The following SCAI variants were observed in gnomAD, a reference collection of about 807,000 sequenced individuals.
SCAI encodes the protein suppressor of cancer cell invasion, also known as protein SCAI.
SCAI carries 24 observed loss-of-function variants against 92.2 expected under a neutral mutation model. The observed-to-expected ratio is 0.26, with a 90% confidence interval of 0.19 to 0.37. SCAI has a LOEUF of 0.37. Ranked by LOEUF, SCAI falls within the 10% of genes least tolerant of loss-of-function variation. SCAI has a pLI of 1.00. For synonymous variants in SCAI, 261 were observed against 258.6 expected (o/e 1.01, Z -0.09); for missense variants, 450 against 736.2 (o/e 0.61, Z 4.50).
rs1160128358 is a variant in SCAI at position 125,099,581 on chromosome 9, A to G, written c.98+43052T>C. On this transcript the variant is annotated intron_variant, in intron 2 of 17. Coordinates refer to ENST00000336505, the MANE Select transcript of SCAI (RefSeq NM_001144877.3). Reference sequence around the variant, plus strand: ...ACAGACGGCAGCTTTTCATCCTTCAAAGAAAAACAAATACAAACCTTATGT... The same window carrying G: ...ACAGACGGCAGCTTTTCATCCTTCAGAGAAAAACAAATACAAACCTTATGT... 2.0e-5 allele frequency among the ~76,000 whole-genome samples: 3 copies of G among 152,134 alleles called. No individual in the cohort carries two copies. The East Asian group carries it at 5.8e-4, about 29-fold the overall frequency.
At chr9:125,038,389 A>G (rs772376316) in intron 3 of SCAI, among the ~76,000 whole-genome samples, 7 of 152,242 alleles carry the variant, frequency 4.6e-5, no homozygotes, top group Non-Finnish European at 1.0e-4. Context: ...GGTGCAGTGT[A>G]CATCGGTAGT....
At position 125,107,412 on chromosome 9, in the gene SCAI, AAAAAAAAAAAG is replaced by A. The variant is rs1191831123; in HGVS notation, c.98+35210_98+35220del. Among the ~76,000 whole-genome samples, 253 of 151,862 alleles carry A rather than the reference AAAAAAAAAAAG, an allele frequency of 1.7e-3. 1 individual carries two copies. The highest frequency in any genetic ancestry group is 5.9e-3 in the African/African-American group (245 of 41,472). On this transcript the variant is annotated intron_variant, in intron 2 of 17. Transcript: ENST00000336505. ...GACAGAGGGAGACACTGTCTCAAAA[AAAAAAAAAAAG>A]AAAAAGAAAAGAAAAAGAAATACAA... is the stretch of plus-strand genomic sequence containing the variant.
At chr9:125,023,779 A>C (rs7857571) in intron 6 of SCAI, among the ~76,000 whole-genome samples, 28,545 of 152,076 alleles carry the variant, frequency 0.19, 2,760 homozygotes, top group East Asian at 0.24. Context: ...TTCAATAAGC[A>C]TACAGAAGTG....
intron 2 of SCAI, among the ~76,000 whole-genome samples, chr9:125,100,714 A>C (rs1335838812): frequency 6.6e-6 from 1 of 152,206 alleles, no homozygotes; most frequent in African/African-American, 2.4e-5. Flanking sequence ...AGAAAAAGCA[A>C]GCAGACAAAG....
chr9:125,055,978 G>T lies in SCAI; in HGVS notation c.128C>A (p.Ser43Tyr), dbSNP rs368234163. Residue 43 changes from serine to tyrosine, a missense_variant, in exon 3 of 18, where the codon TCC (serine) becomes TAC (tyrosine). By Grantham distance (144) the Ser-to-Tyr change is moderately radical. Transcript: ENST00000336505. ...RTEFALKEIM[S>Y]SGGAEDDIPQ... ...GATATCATCTTCAGCACCTCCAGAGGACATGATTTCTTTAAGAGCAAATTC... is the reference window on the plus strand; with the variant it reads ...GATATCATCTTCAGCACCTCCAGAGTACATGATTTCTTTAAGAGCAAATTC... 1.7e-5 allele frequency: 28 copies of T among 1,609,002 alleles called. No individual in the cohort carries two copies. Among genetic ancestry groups the T allele is most frequent in the Non-Finnish European group, 2.0e-5 (24 of 1,176,834 alleles).
At chr9:125,131,607 C>T (rs909911323) in intron 2 of SCAI, among the ~76,000 whole-genome samples, 1 of 152,000 alleles carries the variant, frequency 6.6e-6, no homozygotes, top group Admixed American at 6.6e-5. Context: ...AGGTTTCATT[C>T]TTGAGTAAAA....
At chr9:124,969,156 G>A (rs1174193450) in intron 17 of SCAI, among the ~76,000 whole-genome samples, 1 of 152,090 alleles carries the variant, frequency 6.6e-6, no homozygotes, top group African/African-American at 2.4e-5. Context: ...TGTTACCCAG[G>A]CTGGTCTCAA....
chr9:125,049,904 C>T (rs1833523268), intron 3 of SCAI, among the ~76,000 whole-genome samples: 1 of 152,272 alleles, frequency 6.6e-6, no homozygotes, highest in African/African-American at 2.4e-5. Flanking sequence ...GCTGTGTGTG[C>T]TACTTCTTCA....
chr9:124,974,824 A>AT (rs1360936766), intron 15 of SCAI, among the ~76,000 whole-genome samples: 2 of 152,204 alleles, frequency 1.3e-5, no homozygotes, highest in African/African-American at 4.8e-5. Flanking sequence ...AGATACTATT[A>AT]TTATTTCCAT....
At chr9:125,048,857 T>C (rs1385368655) in intron 3 of SCAI, among the ~76,000 whole-genome samples, 1 of 152,022 alleles carries the variant, frequency 6.6e-6, no homozygotes, top group Non-Finnish European at 1.5e-5. Context: ...GCGATTCTCC[T>C]TCCTCAGCCT....
chr9:125,046,834 AAC>A (rs1833454043), intron 3 of SCAI, among the ~76,000 whole-genome samples: 1 of 152,048 alleles, frequency 6.6e-6, no homozygotes, highest in African/African-American at 2.4e-5. Context: ...AGAGGGAGCT[AAC>A]ATATAAGACC....
At position 125,003,109 on chromosome 9, in the gene SCAI, C is replaced by A. The variant is rs1397145800; in HGVS notation, c.1065+5G>T. On this transcript the variant is annotated splice_donor_5th_base_variant and intron_variant, in intron 11 of 17. Transcript: ENST00000336505. ...TCATAGTAAAAAGTACTGGATCACA[C>A]ATACCTTAAAAGACGCTGCTAAGAA... The A allele has an allele frequency of 5.0e-6, 8 of 1,592,120 alleles. No homozygotes were observed. The highest frequency in any genetic ancestry group is 6.0e-6 in the Non-Finnish European group (7 of 1,160,082).
intron 9 of SCAI, among the ~76,000 whole-genome samples, chr9:125,016,153 A>G (rs1289087287): frequency 6.7e-6 from 1 of 149,858 alleles, no homozygotes; most frequent in African/African-American, 2.5e-5. Context: ...AACATTGTGC[A>G]CATGTACCCT....
chr9:125,017,474 A>G lies in SCAI; in HGVS notation c.861+1325T>C, dbSNP rs566556455. Reference sequence around the variant, plus strand: ...TTTCAAAAACGTTGTAGACATTTGCAAAATAATGGTCATAAAAGCCAAAAA... The same window carrying G: ...TTTCAAAAACGTTGTAGACATTTGCGAAATAATGGTCATAAAAGCCAAAAA... On this transcript the variant is annotated intron_variant, in intron 9 of 17. Coordinates refer to ENST00000336505, the MANE Select transcript of SCAI (RefSeq NM_001144877.3). Among the ~76,000 whole-genome samples the G allele has an allele frequency of 3.2e-4, 48 of 152,320 alleles. No homozygotes were observed. The South Asian group carries it at 9.7e-3, about 31-fold the overall frequency.
rs976573819 is a variant in SCAI at position 124,944,298 on chromosome 9, T to C, written c.*8509A>G. ...TTCTTCAGGAAATAGTAATAAAAAT[T>C]CCTTTTTTTTTTTTTTTTGAGAATG... On this transcript the variant is annotated 3_prime_UTR_variant, in exon 18 of 18. Coordinates refer to ENST00000336505, the MANE Select transcript of SCAI (RefSeq NM_001144877.3). 8 of 150,734 alleles carry C rather than the reference T, an allele frequency of 5.3e-5. No individual in the cohort carries two copies. Among genetic ancestry groups the C allele is most frequent in the African/African-American group, 1.9e-4 (8 of 41,172 alleles). The allele number at this position is 150,734 out of a possible 1,614,324, so 9.3% of individuals were successfully genotyped here.
intron 9 of SCAI, among the ~76,000 whole-genome samples, chr9:125,004,849 C>T (rs71495541): frequency 3.2e-5 from 4 of 126,678 alleles, no homozygotes; most frequent in Non-Finnish European, 4.8e-5. Context: ...AGTGCAATGG[C>T]GCGCTCTCGG....
chr9:125,023,849 T>C (rs77495065), intron 6 of SCAI, among the ~76,000 whole-genome samples: 1 of 152,162 alleles, frequency 6.6e-6, no homozygotes, highest in East Asian at 1.9e-4. Context: ...ACAGATTAAA[T>C]GCGTCAGTGC....
intron 14 of SCAI, among the ~76,000 whole-genome samples, chr9:124,991,897 T>C (rs975792771): frequency 9.9e-5 from 15 of 152,148 alleles, no homozygotes; most frequent in Non-Finnish European, 2.1e-4. Context: ...CTTAAGACTT[T>C]ACAATGCTTA....
chr9:125,135,529 T>C (rs1027733766), intron 2 of SCAI, among the ~76,000 whole-genome samples: 1 of 152,124 alleles, frequency 6.6e-6, no homozygotes, highest in Non-Finnish European at 1.5e-5. Flanking sequence ...GGTGCGCCCC[T>C]GTAATCTCAG....
Sources: allele counts gnomAD v4.1 joint callset (sites outside exome capture counted in the v4.1 genomes callset), GRCh38; gene constraint gnomAD v4.1.1; transcripts MANE v1.5; gene names NCBI Gene and HGNC (gene_info 2026-07-23, HGNC 2026-07-21).